DCLK2: variants seen among roughly 807,000 people sequenced by gnomAD.
DCLK2 encodes the protein doublecortin like kinase 2.
A neutral mutation model predicts 78.4 loss-of-function variants in DCLK2; 31 were observed. That is an observed-to-expected ratio of 0.40 (90% confidence interval 0.30 to 0.53). DCLK2 has a LOEUF of 0.53. Among genes scored for constraint, DCLK2 ranks in the 20% least tolerant of loss-of-function variants. The pLI, the probability that DCLK2 is intolerant of heterozygous loss-of-function variation, is 0.61. For missense variants in DCLK2, 872 were observed against 973.7 expected, an observed-to-expected ratio of 0.90 and a Z score of 1.39; for synonymous variants, 407 against 374.9, an observed-to-expected ratio of 1.09 and a Z score of -0.99.
At chr4:150,152,131 C>A (rs1167814056) in intron 2 of DCLK2, among the ~76,000 whole-genome samples, 9 of 152,062 alleles carry the variant, frequency 5.9e-5, no homozygotes, top group Admixed American at 5.2e-4. Context: ...GTATAAGAAC[C>A]AGGAGGAAAA....
intron 4 of DCLK2, among the ~76,000 whole-genome samples, chr4:150,202,310 A>G (rs1184558151): frequency 6.6e-6 from 1 of 152,202 alleles, no homozygotes; most frequent in Non-Finnish European, 1.5e-5. Context: ...ATTGTGCTAC[A>G]CTTGTATTCT....
At chr4:150,141,567 T>A (rs1015382699) in intron 2 of DCLK2, among the ~76,000 whole-genome samples, 1 of 152,190 alleles carries the variant, frequency 6.6e-6, no homozygotes, top group African/African-American at 2.4e-5. Context: ...TATCAACATC[T>A]CTACAAGACC....
At chr4:150,135,921 T>C (rs1733655259) in intron 2 of DCLK2, among the ~76,000 whole-genome samples, 3 of 152,220 alleles carry the variant, frequency 2.0e-5, no homozygotes, top group South Asian at 4.1e-4. Context: ...CATGGACTTA[T>C]TAGTGGCATC....
intron 1 of DCLK2, 138 bp downstream of exon 1, chr4:150,079,586 A>T: frequency 3.2e-5 from 28 of 864,384 alleles, no homozygotes; most frequent in Non-Finnish European, 4.5e-5. Context: ...TTCTCTAGAG[A>T]TTGGCTGGGG....
At chr4:150,223,665 A>G (rs1043654020) in intron 7 of DCLK2, among the ~76,000 whole-genome samples, 14 of 151,942 alleles carry the variant, frequency 9.2e-5, no homozygotes, top group African/African-American at 3.4e-4. Flanking sequence ...AATTGCTTGA[A>G]CCTGGGAGGC....
intron 10 of DCLK2, among the ~76,000 whole-genome samples, chr4:150,239,090 C>G (rs1264599516): frequency 2.6e-5 from 4 of 152,150 alleles, no homozygotes; most frequent in African/African-American, 9.7e-5. Flanking sequence ...GTTTCTACCT[C>G]CAGGATTAGA....
intron 15 of DCLK2, among the ~76,000 whole-genome samples, chr4:150,250,316 C>A (rs1052275629): frequency 6.6e-6 from 1 of 151,966 alleles, no homozygotes; most frequent in Non-Finnish European, 1.5e-5. Context: ...TACATAAACA[C>A]AACAAATTAA....
Position 150,184,659 on chromosome 4 carries a change from T to A in DCLK2, c.757-8479T>A, listed in dbSNP as rs192125295. Among the ~76,000 whole-genome samples, 1,072 of 150,526 alleles carry A rather than the reference T, an allele frequency of 7.1e-3. 15 individuals are homozygous for A. Among genetic ancestry groups the A allele is most frequent in the South Asian group, 0.022 (106 of 4,742 alleles). Reference sequence around the variant, plus strand: ...CTCTGTCGCCCAGGCTGGAGTGCAGTAGCGCGATCTCGGCTCACTGCAAGC... The same window carrying A: ...CTCTGTCGCCCAGGCTGGAGTGCAGAAGCGCGATCTCGGCTCACTGCAAGC... On this transcript the variant is annotated intron_variant, in intron 2 of 15. Transcript: ENST00000296550.
chr4:150,255,461 T>C (rs910930786), intron 15 of DCLK2, among the ~76,000 whole-genome samples: 1 of 152,234 alleles, frequency 6.6e-6, no homozygotes, highest in African/African-American at 2.4e-5. Flanking sequence ...ATAAGGAAGC[T>C]TTGCTTCATG....
At chr4:150,233,142 TA>T (rs1742213343) in intron 10 of DCLK2, among the ~76,000 whole-genome samples, 1 of 152,192 alleles carries the variant, frequency 6.6e-6, no homozygotes, top group African/African-American at 2.4e-5. Context: ...TCAGGAGACT[TA>T]CAATCATGGC....
At position 150,182,218 on chromosome 4, in the gene DCLK2, T is replaced by C. The variant is rs77358264; in HGVS notation, c.757-10920T>C. Among the ~76,000 whole-genome samples the C allele has an allele frequency of 2.4e-3, 366 of 152,174 alleles. 13 individuals carry two copies. In the East Asian group the frequency reaches 0.057, roughly 24 times the overall value. On this transcript the variant is annotated intron_variant, in intron 2 of 15. Transcript: ENST00000296550. The stretch of plus-strand genomic sequence containing the variant: ...TGCATCACCACGCCCAGCTAATTTT[T>C]TGATTTTCTGTAGAAACAAAGTATC...
At chr4:150,090,870 A>G (rs1258591438) in intron 1 of DCLK2, among the ~76,000 whole-genome samples, 1 of 152,078 alleles carries the variant, frequency 6.6e-6, no homozygotes, top group Non-Finnish European at 1.5e-5. Context: ...ATGGTCTTTG[A>G]GGTGATCTTA....
intron 2 of DCLK2, among the ~76,000 whole-genome samples, chr4:150,139,824 A>G (rs1222816481): frequency 6.6e-6 from 1 of 152,214 alleles, no homozygotes; most frequent in African/African-American, 2.4e-5. Context: ...ACATTCCAGT[A>G]TATTTGGTCA....
At chr4:150,111,145 A>G (rs183052048) in intron 2 of DCLK2, among the ~76,000 whole-genome samples, 1 of 150,608 alleles carries the variant, frequency 6.6e-6, no homozygotes, top group South Asian at 2.1e-4. Flanking sequence ...ATCAGCATCT[A>G]TTTTTTTTTG....
chr4:150,253,561 T>G, intron 15 of DCLK2: 1 of 1,289,630 alleles, frequency 7.8e-7, no homozygotes, highest in Admixed American at 2.3e-5. Flanking sequence ...ATCCTGGTAT[T>G]CACCACGCTG....
Position 150,232,839 on chromosome 4 carries a change from C to G in DCLK2, c.1566+11C>G, listed in dbSNP as rs1742186730. 1 of 1,605,756 alleles carries G rather than the reference C, an allele frequency of 6.2e-7. No homozygotes were observed. Among genetic ancestry groups the G allele is most frequent in the African/African-American group, 1.3e-5 (1 of 74,670 alleles). ...CCAGAGAATCTCTTGGTATGTCATC[C>G]CTGCTTTTTCTGTTCCAATGAATGC... On this transcript the variant is annotated intron_variant, in intron 10 of 15. Coordinates refer to ENST00000296550, the MANE Select transcript of DCLK2 (RefSeq NM_001040260.4).
intron 2 of DCLK2, among the ~76,000 whole-genome samples, chr4:150,155,454 A>C (rs35569123): frequency 0.31 from 46,855 of 152,108 alleles, 8,264 homozygotes; most frequent in Non-Finnish European, 0.4. Flanking sequence ...TTTTGTATGC[A>C]GCAAAGCGCT....
chr4:150,109,437 C>G (rs1188805975), intron 2 of DCLK2, among the ~76,000 whole-genome samples: 1 of 151,768 alleles, frequency 6.6e-6, no homozygotes, highest in African/African-American at 2.4e-5. Flanking sequence ...CTGGTTCAAG[C>G]GATTCTCCTG....
chr4:150,105,571 A>G (rs867154261), intron 2 of DCLK2, among the ~76,000 whole-genome samples: 6 of 152,078 alleles, frequency 3.9e-5, no homozygotes, highest in African/African-American at 1.4e-4. Context: ...GTTAATATGT[A>G]TAACTATACA....
Sources: allele counts gnomAD v4.1 joint callset (sites outside exome capture counted in the v4.1 genomes callset), GRCh38; gene constraint gnomAD v4.1.1; transcripts MANE v1.5; gene names NCBI Gene and HGNC (gene_info 2026-07-23, HGNC 2026-07-21).